The following NRG3 variants were observed in gnomAD, a reference collection of about 807,000 sequenced individuals.
The protein encoded by NRG3 is neuregulin 3.
In NRG3, 31 loss-of-function variants were observed where a neutral mutation model predicts 66.9. That is an observed-to-expected ratio of 0.46 (90% CI 0.35 to 0.63). The LOEUF (loss-of-function observed/expected upper bound fraction) is 0.63. Ranked by LOEUF, NRG3 falls within the 20% of genes least tolerant of loss-of-function variation. NRG3 has a pLI of 0.00. For synonymous variants in NRG3, 393 were observed against 359.4 expected, an observed-to-expected ratio of 1.09 and a Z score of -1.06; for missense variants, 910 against 878.9, an observed-to-expected ratio of 1.04 and a Z score of -0.45.
chr10:82,916,727 T>C (rs1037671918), intron 4 of NRG3, among the ~76,000 whole-genome samples: 11 of 152,082 alleles, frequency 7.2e-5, no homozygotes, highest in African/African-American at 2.7e-4. Flanking sequence ...GCGATTCTCC[T>C]GCTTCAGCCT....
intron 4 of NRG3, among the ~76,000 whole-genome samples, chr10:82,938,912 G>A (rs566306610): frequency 1.3e-5 from 2 of 152,310 alleles, no homozygotes; most frequent in Non-Finnish European, 2.9e-5. Context: ...GGTAAGGAGT[G>A]GGGGACAGCT....
intron 2 of NRG3, among the ~76,000 whole-genome samples, chr10:82,420,301 G>C (rs981455867): frequency 1.3e-5 from 2 of 152,148 alleles, no homozygotes; most frequent in African/African-American, 2.4e-5. Context: ...AAGCAGAACA[G>C]AAGTCATAAT....
chr10:82,324,287 T>C (rs2081744384), intron 1 of NRG3, among the ~76,000 whole-genome samples: 1 of 152,232 alleles, frequency 6.6e-6, no homozygotes, highest in African/African-American at 2.4e-5. Flanking sequence ...ATTTCTGTTA[T>C]CGATAATTTG....
chr10:82,049,765 A>G (rs1428038744), intron 1 of NRG3, among the ~76,000 whole-genome samples: 1 of 151,978 alleles, frequency 6.6e-6, no homozygotes, highest in Non-Finnish European at 1.5e-5. Context: ...CAATAGCTGC[A>G]ATAGATGGAT....
intron 1 of NRG3, among the ~76,000 whole-genome samples, chr10:81,891,121 A>G (rs896164055): frequency 1.1e-4 from 16 of 152,248 alleles, no homozygotes; most frequent in Non-Finnish European, 2.2e-4. Flanking sequence ...AATTATCAGT[A>G]ACGTGCAATT....
chr10:82,232,485 A>G (rs1285108019), intron 1 of NRG3: 1 of 409,440 alleles, frequency 2.4e-6, no homozygotes, highest in East Asian at 4.7e-5. Context: ...CTTACAGTAG[A>G]GATGGCTCTT....
At chr10:82,969,442 T>C (rs1284195997) in intron 6 of NRG3, among the ~76,000 whole-genome samples, 1 of 152,204 alleles carries the variant, frequency 6.6e-6, no homozygotes, top group Non-Finnish European at 1.5e-5. Context: ...ATTTCCATTA[T>C]GTATTGGATC....
chr10:82,035,205 A>G (rs1245823760), intron 1 of NRG3, among the ~76,000 whole-genome samples: 1 of 152,076 alleles, frequency 6.6e-6, no homozygotes, highest in Non-Finnish European at 1.5e-5. Flanking sequence ...GGTCAAATGC[A>G]TTAACCTGCT....
At chr10:82,923,824 G>A (rs1315529121) in intron 4 of NRG3, among the ~76,000 whole-genome samples, 2 of 151,868 alleles carry the variant, frequency 1.3e-5, no homozygotes, top group African/African-American at 4.8e-5. Context: ...ACGCATATGT[G>A]CACTTGTTAA....
chr10:82,664,331 GT>G (rs2052596816), intron 2 of NRG3, among the ~76,000 whole-genome samples: 1 of 152,056 alleles, frequency 6.6e-6, no homozygotes, highest in Admixed American at 6.6e-5. Flanking sequence ...TGATTAAAAA[GT>G]AGATATCCTG....
chr10:82,058,406 A>AT (rs1014107250), intron 1 of NRG3, among the ~76,000 whole-genome samples: 1 of 151,876 alleles, frequency 6.6e-6, no homozygotes, highest in Non-Finnish European at 1.5e-5. Flanking sequence ...CCATAAAATT[A>AT]TTTTTTAATC....
At chr10:82,342,212 T>C (rs1371099932) in intron 1 of NRG3, among the ~76,000 whole-genome samples, 1 of 151,990 alleles carries the variant, frequency 6.6e-6, no homozygotes, top group Non-Finnish European at 1.5e-5. Flanking sequence ...TTGTGAATAG[T>C]GCTGCCAAAA....
chr10:82,102,143 T>TATATGTGTGTATTC (rs1554825303), intron 1 of NRG3, among the ~76,000 whole-genome samples: 7 of 47,680 alleles, frequency 1.5e-4, no homozygotes, highest in East Asian at 7.4e-4. Flanking sequence ...CATATATATA[T>TATATGTGTGTATTC]ATATATATAT....
chr10:82,909,505 GA>G (rs201560544), intron 4 of NRG3, among the ~76,000 whole-genome samples: 5 of 150,224 alleles, frequency 3.3e-5, no homozygotes, highest in Middle Eastern at 3.4e-3. Flanking sequence ...ACCCCAAGGG[GA>G]AAAAAAAAGA....
chr10:82,112,759 C>A (rs1022183894), intron 1 of NRG3, among the ~76,000 whole-genome samples: 4 of 152,018 alleles, frequency 2.6e-5, no homozygotes, highest in Admixed American at 2.0e-4. Flanking sequence ...ATAATGTCAC[C>A]AACTGTAACC....
chr10:82,292,241 G>T (rs931627413), intron 1 of NRG3, among the ~76,000 whole-genome samples: 2 of 151,796 alleles, frequency 1.3e-5, no homozygotes, highest in Non-Finnish European at 2.9e-5. Context: ...TATCATTAGG[G>T]GAATGCAAAT....
At chr10:82,511,050 G>T (rs1336073141) in intron 2 of NRG3, among the ~76,000 whole-genome samples, 2 of 152,180 alleles carry the variant, frequency 1.3e-5, no homozygotes, top group Non-Finnish European at 2.9e-5. Flanking sequence ...ATTTCTGCAT[G>T]TTAGCCTGTT....
At chr10:82,246,739 A>G (rs2077262553) in intron 1 of NRG3, among the ~76,000 whole-genome samples, 1 of 152,108 alleles carries the variant, frequency 6.6e-6, no homozygotes. Context: ...CTTTTACTCA[A>G]AAGAGAAGGA....
chr10:82,418,429 T>C (rs1026946066), intron 2 of NRG3, among the ~76,000 whole-genome samples: 1 of 146,902 alleles, frequency 6.8e-6, no homozygotes, highest in Non-Finnish European at 1.5e-5. Flanking sequence ...TATGCAAATG[T>C]TTATGCAAAT....
Sources: allele counts gnomAD v4.1 joint callset (sites outside exome capture counted in the v4.1 genomes callset), GRCh38; gene constraint gnomAD v4.1.1; transcripts MANE v1.5; gene names NCBI Gene and HGNC (gene_info 2026-07-23, HGNC 2026-07-21).